Variants in ACTR3C observed in about 807,000 individuals in gnomAD.
ACTR3C encodes actin-related protein 3C.
Under a neutral mutation model 26.3 loss-of-function variants are expected in ACTR3C, and 18 were observed. That is an observed-to-expected ratio of 0.68 (90% CI 0.47 to 1.01). The LOEUF (loss-of-function observed/expected upper bound fraction) is 1.01, where lower values mean the gene tolerates loss of function less well. Ranked by LOEUF, ACTR3C falls within the 50% of genes least tolerant of loss-of-function variation. The pLI, the probability that ACTR3C is intolerant of heterozygous loss-of-function variation, is 0.00. For missense variants in ACTR3C, 184 were observed against 250.7 expected (o/e 0.73, Z 1.80); for synonymous variants, 55 against 94.5 (o/e 0.58, Z 2.42).
chr7:150,261,179 T>C (rs1833610704), intron 6 of ACTR3C, among the ~76,000 whole-genome samples: 1 of 152,256 alleles, frequency 6.6e-6, no homozygotes. Flanking sequence ...GATATTAAAA[T>C]ACTGAAAGTC....
chr7:150,266,071 G>A (rs1761348252), intron 6 of ACTR3C, among the ~76,000 whole-genome samples: 1 of 147,838 alleles, frequency 6.8e-6, no homozygotes, highest in Non-Finnish European at 1.5e-5. Context: ...TTTCTCTCCA[G>A]TCCAGAGTCC....
At chr7:150,239,015 A>T (rs1832027575), downstream of ACTR3C, among the ~76,000 whole-genome samples, 1 of 151,926 alleles carries the variant, frequency 6.6e-6, no homozygotes, top group Admixed American at 6.6e-5. Context: ...CAGCAAACTG[A>T]CATCAATATT....
In ACTR3C at chr7:150,278,621, C is replaced by T. The variant is rs1835076265; in HGVS notation, c.564+6132G>A. On this transcript the variant is annotated intron_variant, in intron 6 of 7. Transcript: ENST00000683684. ...CAGAGCTCCGCCATCCACATCTCCA[C>T]CGGCCTCCCACGGCAACAGGTGTCT... Among the ~76,000 whole-genome samples, 4 of 152,380 alleles carry T rather than the reference C, an allele frequency of 2.6e-5. No homozygotes were observed. In the South Asian group the frequency reaches 8.3e-4, roughly 32 times the overall value.
the ACTR3C span, among the ~76,000 whole-genome samples, chr7:150,082,502 A>G: frequency 1.3e-5 from 2 of 152,204 alleles, no homozygotes; most frequent in African/African-American, 4.8e-5. Flanking sequence ...CAGGTCATCT[A>G]CAGCAGGATA....
chr7:150,140,052 A>T, the ACTR3C span, among the ~76,000 whole-genome samples: 1 of 152,000 alleles, frequency 6.6e-6, no homozygotes, highest in Non-Finnish European at 1.5e-5. Flanking sequence ...TCGCACACAC[A>T]TGCACACACA....
At chr7:150,305,508 C>T (rs990706037) in intron 1 of ACTR3C, among the ~76,000 whole-genome samples, 1 of 152,202 alleles carries the variant, frequency 6.6e-6, no homozygotes, top group Non-Finnish European at 1.5e-5. Context: ...CCCCCGCTCT[C>T]GTCACCCTAA....
At chr7:149,932,213 C>T in the ACTR3C span, among the ~76,000 whole-genome samples, 4 of 152,252 alleles carry the variant, frequency 2.6e-5, no homozygotes, top group South Asian at 2.1e-4. Flanking sequence ...ACAGTACCCT[C>T]CATGAAAGAA....
At chr7:150,017,730 A>C in the ACTR3C span, among the ~76,000 whole-genome samples, 1 of 148,502 alleles carries the variant, frequency 6.7e-6, no homozygotes, top group Non-Finnish European at 1.5e-5. Flanking sequence ...CAAAGGGGCC[A>C]TGCTTGTTCC....
chr7:149,938,440 A>AT, the ACTR3C span, among the ~76,000 whole-genome samples: 1 of 3,006 alleles, frequency 3.3e-4, no homozygotes, highest in African/African-American at 5.2e-4. Context: ...AATTTAGGAG[A>AT]TTTTTTTTAA....
the ACTR3C span, among the ~76,000 whole-genome samples, chr7:149,918,215 A>T: frequency 6.6e-6 from 1 of 152,092 alleles, no homozygotes; most frequent in African/African-American, 2.4e-5. Context: ...CATAAAGCAC[A>T]CTGCCCTTTT....
At chr7:149,890,230 C>T in the ACTR3C span, among the ~76,000 whole-genome samples, 3 of 151,950 alleles carry the variant, frequency 2.0e-5, no homozygotes, top group African/African-American at 7.2e-5. Flanking sequence ...GTTTAATACG[C>T]AGCTTACGTC....
At chr7:150,118,429 G>C in the ACTR3C span, among the ~76,000 whole-genome samples, 52 of 151,364 alleles carry the variant, frequency 3.4e-4, no homozygotes, top group Non-Finnish European at 1.5e-5. Context: ...CGAGAACTTT[G>C]TGAAGCATAT....
At chr7:150,176,721 CTT>C in the ACTR3C span, among the ~76,000 whole-genome samples, 1 of 150,764 alleles carries the variant, frequency 6.6e-6, no homozygotes, top group Non-Finnish European at 1.5e-5. Context: ...TTTCAACAAA[CTT>C]TATGAAGTCT....
At position 150,248,865 on chromosome 7, in the gene ACTR3C, G is replaced by A. The variant is rs555850392; in HGVS notation, c.*38+83C>T. The A allele has an allele frequency of 1.9e-4, 80 of 426,864 alleles. 2 individuals carry two copies. The highest frequency in any genetic ancestry group is 1.6e-3 in the South Asian group (25 of 15,608). The allele number at this position is 426,864 out of a possible 1,614,324, so 26.4% of individuals were successfully genotyped here. Reference sequence around the variant, plus strand: ...TAAAAATGCTTCAATAAGCAATTATGGGTTCTCTTGAAACAAATGAAAAAA... The same window carrying A: ...TAAAAATGCTTCAATAAGCAATTATAGGTTCTCTTGAAACAAATGAAAAAA... On this transcript the variant is annotated intron_variant, in intron 7 of 7. Coordinates refer to ENST00000683684, the MANE Select transcript of ACTR3C (RefSeq NM_001164458.2).
the ACTR3C span, among the ~76,000 whole-genome samples, chr7:149,948,415 G>C: frequency 1.3e-5 from 2 of 151,048 alleles, no homozygotes; most frequent in Non-Finnish European, 2.9e-5. Flanking sequence ...TTCCAGAAGA[G>C]GCAGGTGGGA....
chr7:149,894,177 G>A, the ACTR3C span, among the ~76,000 whole-genome samples: 1 of 152,028 alleles, frequency 6.6e-6, no homozygotes, highest in Non-Finnish European at 1.5e-5. Flanking sequence ...ATGTTACTGG[G>A]GAAACTGGAT....
At chr7:150,234,359 C>T in the ACTR3C span, among the ~76,000 whole-genome samples, 378 of 152,270 alleles carry the variant, frequency 2.5e-3, 4 homozygotes, top group African/African-American at 8.8e-3. Context: ...AAGGTTTTAT[C>T]CCTCACTGGA....
chr7:149,892,035 C>T, the ACTR3C span, among the ~76,000 whole-genome samples: 1 of 138,356 alleles, frequency 7.2e-6, no homozygotes, highest in East Asian at 2.2e-4. Flanking sequence ...TCATGTGTGA[C>T]CTGGTGTTTC....
the ACTR3C span, among the ~76,000 whole-genome samples, chr7:150,197,761 A>C: frequency 6.6e-6 from 1 of 151,966 alleles, no homozygotes; most frequent in African/African-American, 2.4e-5. Context: ...TTTCTTCCCT[A>C]TGTTAGTAAA....
Sources: allele counts gnomAD v4.1 joint callset (sites outside exome capture counted in the v4.1 genomes callset), GRCh38; gene constraint gnomAD v4.1.1; transcripts MANE v1.5; gene names NCBI Gene and HGNC (gene_info 2026-07-23, HGNC 2026-07-21).